Variants in MAP4 observed in about 807,000 individuals in gnomAD.
MAP4 encodes the protein microtubule associated protein 4.
In MAP4, 76 loss-of-function variants were observed where a neutral mutation model predicts 170.2. The observed-to-expected ratio is 0.45, with a 90% CI of 0.37 to 0.54. The LOEUF is 0.54. Among genes scored for constraint, MAP4 ranks in the 20% least tolerant of loss-of-function variants. MAP4 has a pLI of 0.00. For missense variants in MAP4, 2,506 were observed against 2,748.0 expected (o/e 0.91, Z 1.97); for synonymous variants, 909 against 994.5 (o/e 0.91, Z 1.62).
intron 1 of MAP4, among the ~76,000 whole-genome samples, chr3:48,054,776 C>T (rs1164108643): frequency 6.6e-6 from 1 of 151,494 alleles, no homozygotes; most frequent in African/African-American, 2.4e-5. Context: ...CCACTGCACT[C>T]CAGCCTGGGC....
chr3:47,939,296 C>T (rs2153983691), intron 3 of MAP4, among the ~76,000 whole-genome samples: 1 of 151,946 alleles, frequency 6.6e-6, no homozygotes, highest in East Asian at 1.9e-4. Context: ...AATTAAAAAG[C>T]CTTTAAGTAT....
Position 47,912,128 on chromosome 3 carries a change from G to A in MAP4, c.2293C>T (p.Pro765Ser), listed in dbSNP as rs2100036256. 6.5e-7 allele frequency: 1 copy of A among 1,535,942 alleles called. No homozygotes were observed. The highest frequency in any genetic ancestry group is 8.7e-7 in the Non-Finnish European group (1 of 1,146,878). Residue 765 changes from proline (P) to serine (S), a missense_variant, in exon 9 of 21, where the codon CCA becomes TCA. Pro to Ser is a moderately conservative substitution (Grantham distance 74). Around this residue, in one of 3 missense-constraint regions of MAP4, gnomAD observed 2,008 missense variants for 2,206.0 expected, o/e 0.91. Transcript: ENST00000683076. Reference protein sequence around the residue: ...GREAWDIESTPIMMKKKKKKP... With the variant: ...GREAWDIESTSIMMKKKKKKP... Reference sequence around the variant, plus strand: ...TTCTTCTTTTTCTTCATCATTATTGGTGTGCTTTCTATATCCCAGGCCTCC... The same window carrying A: ...TTCTTCTTTTTCTTCATCATTATTGATGTGCTTTCTATATCCCAGGCCTCC...
intron 1 of MAP4, among the ~76,000 whole-genome samples, chr3:48,028,371 C>T (rs1206280865): frequency 6.6e-6 from 1 of 152,162 alleles, no homozygotes; most frequent in African/African-American, 2.4e-5. Context: ...CAACTCTAAA[C>T]ATTTCTTATT....
At chr3:47,898,083 T>C (rs1368590018) in intron 10 of MAP4, among the ~76,000 whole-genome samples, 1 of 152,240 alleles carries the variant, frequency 6.6e-6, no homozygotes, top group Non-Finnish European at 1.5e-5. Context: ...TATCTTTCTA[T>C]GGTGCCTTAG....
chr3:47,996,633 T>C (rs1163339479), intron 2 of MAP4, among the ~76,000 whole-genome samples: 1 of 152,090 alleles, frequency 6.6e-6, no homozygotes, highest in Non-Finnish European at 1.5e-5. Flanking sequence ...TCAGCTCCTG[T>C]TAAAATGACT....
Position 47,978,045 on chromosome 3 carries a change from G to A in MAP4, c.224-112C>T, listed in dbSNP as rs1038053334. On this transcript the variant is annotated intron_variant, in intron 2 of 20. Coordinates refer to ENST00000683076, the MANE Select transcript of MAP4 (RefSeq NM_001385682.1). Reference sequence around the variant, plus strand: ...TCACTCTTTGTAGCATTAGGTTAAAGCAATTAAAAACTGTTCAAAATTTAA... The same window carrying A: ...TCACTCTTTGTAGCATTAGGTTAAAACAATTAAAAACTGTTCAAAATTTAA... 2.1e-5 allele frequency: 15 copies of A among 710,404 alleles called. No individual in the cohort carries two copies. The Admixed American group carries it at 3.0e-4, about 14-fold the overall frequency. The allele number at this position is 710,404 out of a possible 1,614,324, so 44.0% of individuals were successfully genotyped here.
At chr3:47,921,913 G>A (rs2100043119) in intron 4 of MAP4, 35 bp from the exon 5 acceptor site, 1 of 891,304 alleles carries the variant, frequency 1.1e-6, no homozygotes, top group Non-Finnish European at 1.9e-6. Context: ...CTCATTCCTG[G>A]TGAATGCAAC....
intron 1 of MAP4, among the ~76,000 whole-genome samples, chr3:48,087,098 T>C (rs1252422073): frequency 1.3e-5 from 2 of 152,196 alleles, no homozygotes; most frequent in African/African-American, 4.8e-5. Flanking sequence ...CTTTATTATT[T>C]TGAAGCTAAA....
At chr3:47,927,001 C>T (rs1463226278) in intron 4 of MAP4, among the ~76,000 whole-genome samples, 1 of 151,904 alleles carries the variant, frequency 6.6e-6, no homozygotes, top group Middle Eastern at 3.2e-3. Flanking sequence ...CTGGTCTCTA[C>T]TAAAAATACA....
Position 47,877,542 on chromosome 3 carries a change from TG to T in MAP4, c.5435-20del. On this transcript the variant is annotated intron_variant, in intron 10 of 20. Coordinates refer to ENST00000683076, the MANE Select transcript of MAP4 (RefSeq NM_001385682.1). Reference sequence around the variant, plus strand: ...GCTATTCCTAAGGGGAGAGGGTGAGTGGGAATTATGCTAAGCAAACATTTTA... The same window carrying T: ...GCTATTCCTAAGGGGAGAGGGTGAGTGGAATTATGCTAAGCAAACATTTTA... The T allele has an allele frequency of 6.5e-7, 1 of 1,544,750 alleles. No individual in the cohort carries two copies. Among genetic ancestry groups the T allele is most frequent in the Non-Finnish European group, 8.9e-7 (1 of 1,121,152 alleles).
chr3:47,948,953 G>A (rs1331097282), intron 3 of MAP4, among the ~76,000 whole-genome samples: 1 of 152,106 alleles, frequency 6.6e-6, no homozygotes, highest in African/African-American at 2.4e-5. Context: ...CAAATAAGGT[G>A]TCCTTTAACT....
chr3:47,975,644 G>A (rs1176438395), intron 3 of MAP4, among the ~76,000 whole-genome samples: 1 of 152,142 alleles, frequency 6.6e-6, no homozygotes, highest in Admixed American at 6.5e-5. Flanking sequence ...ACAGAAATGG[G>A]AATTTTCAAA....
intron 1 of MAP4, among the ~76,000 whole-genome samples, chr3:48,012,292 T>C (rs1406556367): frequency 2.6e-5 from 4 of 152,216 alleles, no homozygotes; most frequent in South Asian, 2.1e-4. Context: ...TTTCGATTAA[T>C]AGATTCTACT....
chr3:47,947,792 CAGAG>C (rs1248412702), intron 3 of MAP4, among the ~76,000 whole-genome samples: 2 of 115,178 alleles, frequency 1.7e-5, no homozygotes, highest in Non-Finnish European at 3.4e-5. Context: ...GCCTGGGCGA[CAGAG>C]AGAGTCTCAA....
At chr3:48,073,207 C>A (rs892124686) in intron 1 of MAP4, among the ~76,000 whole-genome samples, 5 of 150,600 alleles carry the variant, frequency 3.3e-5, no homozygotes, top group Non-Finnish European at 7.4e-5. Flanking sequence ...GGCTCCATCT[C>A]AAAAAATAAT....
chr3:48,012,286 G>C (rs552498449), intron 1 of MAP4, among the ~76,000 whole-genome samples: 1 of 151,992 alleles, frequency 6.6e-6, no homozygotes, highest in East Asian at 1.9e-4. Context: ...CTTTCCTTTC[G>C]ATTAATAGAT....
At chr3:47,940,491 ATACT>A (rs1458754671) in intron 3 of MAP4, among the ~76,000 whole-genome samples, 2 of 152,222 alleles carry the variant, frequency 1.3e-5, no homozygotes, top group Middle Eastern at 3.2e-3. Context: ...AGTAGAAAAA[ATACT>A]TACCACTACC....
At chr3:48,066,670 G>GTACATCATT (rs1447880054) in intron 1 of MAP4, among the ~76,000 whole-genome samples, 1 of 151,752 alleles carries the variant, frequency 6.6e-6, no homozygotes, top group East Asian at 1.9e-4. Context: ...ACATGCAGAG[G>GTACATCATT]TACATCATTT....
intron 3 of MAP4, among the ~76,000 whole-genome samples, chr3:47,930,216 C>T (rs1246027412): frequency 2.6e-5 from 4 of 151,080 alleles, no homozygotes; most frequent in East Asian, 2.0e-4. Context: ...GAGGCCGAGG[C>T]GGGTGGATCA....
Sources: gnomAD v4.1 joint callset for allele counts (sites outside exome capture counted in the v4.1 genomes callset) on GRCh38, gnomAD v4.1.1 for gene constraint, gnomAD v4.1.1 regional missense constraint, MANE v1.5 for transcripts, NCBI Gene and HGNC (gene_info 2026-07-23, HGNC 2026-07-21) for gene names.